SPTAN1: variants seen among roughly 807,000 people sequenced by gnomAD.
The protein encoded by SPTAN1 is spectrin alpha, non-erythrocytic 1.
SPTAN1 carries 61 observed loss-of-function variants against 331.3 expected under a neutral mutation model. The observed-to-expected ratio is 0.18, with a 90% CI of 0.15 to 0.23. The LOEUF (loss-of-function observed/expected upper bound fraction) is 0.23, where lower values mean the gene tolerates loss of function less well. Ranked by LOEUF, SPTAN1 falls within the 10% of genes least tolerant of loss-of-function variation. SPTAN1 has a pLI of 1.00. For synonymous variants in SPTAN1, 1,153 were observed against 1,173.9 expected (o/e 0.98, Z 0.36); for missense variants, 2,043 against 3,147.9 (o/e 0.65, Z 8.40).
At chr9:128,608,806 A>T in intron 34 of SPTAN1, 68 bp from the exon 35 acceptor site, 1 of 1,477,078 alleles carries the variant, frequency 6.8e-7, no homozygotes, top group African/African-American at 1.4e-5. Flanking sequence ...TCCTTTTCTC[A>T]AGACTGGCAG....
intron 18 of SPTAN1, 121 bp downstream of exon 18, chr9:128,584,964 T>C (rs530272601): frequency 3.3e-6 from 4 of 1,211,330 alleles, no homozygotes; most frequent in Non-Finnish European, 4.9e-6. Flanking sequence ...ATCCCCATTC[T>C]TTCCTAACTG....
intron 52 of SPTAN1, 116 bp downstream of exon 52, chr9:128,630,491 TTCCCTTGGCCTAAAGCAG>T (rs1173984302): frequency 1.9e-6 from 2 of 1,030,726 alleles, no homozygotes; most frequent in Non-Finnish European, 3.0e-6. Flanking sequence ...TTGTACCCTT[TTCCCTTGGCCTAAAGCAG>T]TCTAGGGCTC....
At chr9:128,595,031 A>G (rs1237940564) in intron 24 of SPTAN1, among the ~76,000 whole-genome samples, 1 of 151,476 alleles carries the variant, frequency 6.6e-6, no homozygotes, top group Non-Finnish European at 1.5e-5. Context: ...GCTGGTCTCA[A>G]ACTGCTGACC....
chr9:128,597,029 G>A (rs1323636203), intron 24 of SPTAN1, among the ~76,000 whole-genome samples: 1 of 152,142 alleles, frequency 6.6e-6, no homozygotes, highest in Admixed American at 6.5e-5. Context: ...GCGTGGTAGC[G>A]CCTGCCTGTA....
chr9:128,600,108 C>T lies in SPTAN1; in HGVS notation c.3572C>T (p.Pro1191Leu), dbSNP rs796053304. ...RDETDSKTASPWKSARLMVHT... is the reference protein window; with the variant it reads ...RDETDSKTASLWKSARLMVHT... ...GAAACTGATTCCAAGACAGCCTCCC[C>T]GTGGAAGGTAAGAACTCCTTTGCAA... is the stretch of plus-strand genomic sequence containing the variant. Residue 1191 changes from proline (P) to leucine (L), a missense_variant, in exon 27 of 57, where the codon CCG (proline) becomes CTG (leucine). Pro to Leu is a moderately conservative substitution (Grantham distance 98). Transcript: ENST00000372739. 3.1e-6 allele frequency: 5 copies of T among 1,614,156 alleles called. No homozygotes were observed. The highest frequency in any genetic ancestry group is 2.2e-5 in the East Asian group (1 of 44,890).
At position 128,608,967 on chromosome 9, in the gene SPTAN1, G is replaced by C. The variant is rs2131632285; in HGVS notation, c.4585G>C (p.Val1529Leu). ...AGACATTTCTAGCCGGCGCAATGAG[G>C]TCTTGGACAGGTGGGTGTCCTGTGG... ...KGDISSRRNE[V>L]LDRWRRLKAQ... is the part of the protein sequence containing the mutation. Residue 1529 changes from valine (V) to leucine (L), a missense_variant, in exon 35 of 57, where the codon GTC becomes CTC. Around this residue, in one of 12 missense-constraint regions of SPTAN1, gnomAD observed 40 missense variants for 32.6 expected, o/e 1.23. Coordinates refer to ENST00000372739, the MANE Select transcript of SPTAN1 (RefSeq NM_001130438.3). 6.2e-7 allele frequency: 1 copy of C among 1,614,244 alleles called. No homozygotes were observed. The highest frequency in any genetic ancestry group is 8.5e-7 in the Non-Finnish European group (1 of 1,180,040).
At chr9:128,597,633 TTTTG>T (rs1290390309) in intron 24 of SPTAN1, among the ~76,000 whole-genome samples, 8 of 152,160 alleles carry the variant, frequency 5.3e-5, no homozygotes, top group African/African-American at 1.9e-4. Context: ...TTATAGCTTT[TTTTG>T]TTTGTTTTGT....
chr9:128,603,012 C>T (rs1043030668), intron 27 of SPTAN1, among the ~76,000 whole-genome samples: 1 of 151,474 alleles, frequency 6.6e-6, no homozygotes, highest in Non-Finnish European at 1.5e-5. Flanking sequence ...TTGAAATGTA[C>T]GTTGTTGAAA....
chr9:128,619,092 T>G, intron 44 of SPTAN1, 89 bp downstream of exon 44: 63 of 1,537,986 alleles, frequency 4.1e-5, no homozygotes, highest in Non-Finnish European at 5.1e-5. Flanking sequence ...TAGAGGGCCC[T>G]GCTCTTACTA....
Position 128,578,358 on chromosome 9 carries a change from G to A in SPTAN1, c.1221+113G>A, listed in dbSNP as rs193067321. On this transcript the variant is annotated intron_variant, in intron 9 of 56. Coordinates refer to ENST00000372739, the MANE Select transcript of SPTAN1 (RefSeq NM_001130438.3). The stretch of plus-strand genomic sequence containing the variant: ...CGTTGGTACCATGTTATTCACAGGT[G>A]TTTCTCATCATGAGGATTATGGTTG... 689 of 1,424,806 alleles carry A rather than the reference G, an allele frequency of 4.8e-4. 2 individuals carry two copies. Among genetic ancestry groups the A allele is most frequent in the South Asian group, 7.9e-4 (67 of 84,562 alleles). The allele number at this position is 1,424,806 out of a possible 1,614,324, so 88.3% of individuals were successfully genotyped here. A position where few individuals can be genotyped will look rare whatever the true frequency, so the allele number is the denominator to read the frequency against.
At chr9:128,606,765 C>T (rs1180796779) in intron 31 of SPTAN1, among the ~76,000 whole-genome samples, 1 of 152,052 alleles carries the variant, frequency 6.6e-6, no homozygotes, top group African/African-American at 2.4e-5. Context: ...GGATTACAGG[C>T]GTGAGCCACT....
Position 128,629,016 on chromosome 9 carries a change from G to GTTGCCC in SPTAN1, c.6707+1080_6707+1085dup, listed in dbSNP as rs1859239136. On this transcript the variant is annotated intron_variant, in intron 51 of 56. Coordinates refer to ENST00000372739, the MANE Select transcript of SPTAN1 (RefSeq NM_001130438.3). This position sits in a 1 kb window ranked among gnomAD's most constrained non-coding sequence, Gnocchi z 4.9. ...CCTCCAGGTACCCGCCGGGCACCAG[G>GTTGCCC]TTGCCCTTGCCTGCGCCCTGCCAGC... 4 of 396,838 alleles carry GTTGCCC rather than the reference G, an allele frequency of 1.0e-5. No homozygotes were observed. The highest frequency in any genetic ancestry group is 1.8e-5 in the Non-Finnish European group (4 of 225,166). The allele number at this position is 396,838 out of a possible 1,614,324, so 24.6% of individuals were successfully genotyped here. A position where few individuals can be genotyped will look rare whatever the true frequency, so the allele number is the denominator to read the frequency against.
rs117714557 is a variant in SPTAN1 at position 128,602,191 on chromosome 9, T to G, written c.3580-1352T>G. On this transcript the variant is annotated intron_variant, in intron 27 of 56. Transcript: ENST00000372739. ...AAGCTCAGCCCTCCTGCCCTCCTGTTTTTTTTTTTGTTTTTTTTGGGTTTT... is the reference window on the plus strand; with the variant it reads ...AAGCTCAGCCCTCCTGCCCTCCTGTGTTTTTTTTTGTTTTTTTTGGGTTTT... 3.0e-3 allele frequency among the ~76,000 whole-genome samples: 437 copies of G among 147,696 alleles called. 10 individuals are homozygous for G. The East Asian group carries it at 0.041, about 14-fold the overall frequency.
At chr9:128,619,248 C>T (rs1021216211) in intron 44 of SPTAN1, among the ~76,000 whole-genome samples, 7 of 152,180 alleles carry the variant, frequency 4.6e-5, no homozygotes, top group African/African-American at 1.4e-4. Context: ...CACCAGGCAG[C>T]GCTGTGGGCT....
intron 52 of SPTAN1, chr9:128,631,568 A>G (rs1031340845): frequency 1.3e-5 from 2 of 159,536 alleles, no homozygotes; most frequent in Non-Finnish European, 2.7e-5. Context: ...GCTCATGCCT[A>G]TAATCCCAGA....
At chr9:128,557,848 G>A (rs374470645) in intron 1 of SPTAN1, among the ~76,000 whole-genome samples, 1 of 140,838 alleles carries the variant, frequency 7.1e-6, no homozygotes, top group Non-Finnish European at 1.5e-5. Context: ...CTGTCGCCCA[G>A]GCTGGAGTGC....
At chr9:128,570,955 C>T (rs1409482137) in intron 3 of SPTAN1, among the ~76,000 whole-genome samples, 1 of 152,182 alleles carries the variant, frequency 6.6e-6, no homozygotes, top group African/African-American at 2.4e-5. Flanking sequence ...GCCGCCGCTC[C>T]TGGCCTAGAT....
intron 21 of SPTAN1, among the ~76,000 whole-genome samples, chr9:128,590,547 T>TAA (rs766776858): frequency 0.024 from 2,534 of 104,044 alleles, 182 homozygotes; most frequent in African/African-American, 0.08. Flanking sequence ...CTATTTATAT[T>TAA]AAAAAAGAAA....
In SPTAN1 at chr9:128,627,766, C is replaced by T; in HGVS notation, c.6690-159C>T. On this transcript the variant is annotated intron_variant, in intron 50 of 56. Coordinates refer to ENST00000372739, the MANE Select transcript of SPTAN1 (RefSeq NM_001130438.3). This position sits in a 1 kb window ranked among gnomAD's most constrained non-coding sequence, Gnocchi z 4.9. ...ATGCAGGGCGCGTGGTCAGCCCCAGCCATGACTTGGTGACAGACGATGCAG... is the reference window on the plus strand; with the variant it reads ...ATGCAGGGCGCGTGGTCAGCCCCAGTCATGACTTGGTGACAGACGATGCAG... The T allele has an allele frequency of 1.0e-6, 1 of 996,276 alleles. No homozygotes were observed. 61.7% of individuals were successfully genotyped at this position (996,276 alleles called of 1,614,324 possible).
Sources: allele counts gnomAD v4.1 joint callset (sites outside exome capture counted in the v4.1 genomes callset), GRCh38; gene constraint gnomAD v4.1.1; regional missense constraint gnomAD v4.1.1; non-coding constraint Gnocchi (gnomAD v3.1); transcripts MANE v1.5; gene names NCBI Gene and HGNC (gene_info 2026-07-23, HGNC 2026-07-21).